The following CSMD1 variants were observed in gnomAD, a reference collection of about 807,000 sequenced individuals.
The protein encoded by CSMD1 is CUB and Sushi multiple domains 1, also known as CUB and sushi domain-containing protein 1.
Under a neutral mutation model 417.5 loss-of-function variants are expected in CSMD1, and 213 were observed. That is an observed-to-expected ratio of 0.51 (90% CI 0.46 to 0.57). The LOEUF is 0.57. Ranked by LOEUF, CSMD1 falls within the 20% of genes least tolerant of loss-of-function variation. The pLI, the probability that CSMD1 is intolerant of heterozygous loss-of-function variation, is 0.00. For missense variants in CSMD1, 6,923 were observed against 4,529.7 expected, an observed-to-expected ratio of 1.53 and a Z score of -15.17; for synonymous variants, 2,862 against 1,736.8, an observed-to-expected ratio of 1.65 and a Z score of -16.11.
chr8:4,700,142 T>G (rs1231819457), intron 1 of CSMD1, among the ~76,000 whole-genome samples: 2 of 152,192 alleles, frequency 1.3e-5, no homozygotes, highest in Non-Finnish European at 2.9e-5. Context: ...ATTTTTATTT[T>G]TAACTGACCT....
intron 24 of CSMD1, 128 bp from the exon 25 acceptor site, chr8:3,307,949 C>A (rs10089504): frequency 0.24 from 247,984 of 1,016,214 alleles, 33,002 homozygotes; most frequent in Admixed American, 0.28. Context: ...ACCATCATCT[C>A]TCTCTCCTGA....
intron 2 of CSMD1, among the ~76,000 whole-genome samples, chr8:4,500,112 G>A (rs1802182015): frequency 6.6e-6 from 1 of 151,652 alleles, no homozygotes. Context: ...TAAAGAGGCT[G>A]GGAGAATACA....
At chr8:3,854,041 T>C (rs1402944608) in intron 5 of CSMD1, among the ~76,000 whole-genome samples, 3 of 146,050 alleles carry the variant, frequency 2.1e-5, no homozygotes, top group African/African-American at 5.0e-5. Context: ...AAATATAATA[T>C]ACTAAAGTAT....
intron 3 of CSMD1, among the ~76,000 whole-genome samples, chr8:4,320,530 C>T (rs758917085): frequency 3.9e-5 from 6 of 152,070 alleles, no homozygotes; most frequent in Non-Finnish European, 8.8e-5. Context: ...CCCAACAGGC[C>T]CCAGTGGGTG....
At chr8:3,308,244 A>G in intron 24 of CSMD1, 68 bp downstream of exon 24, 1 of 1,219,468 alleles carries the variant, frequency 8.2e-7, no homozygotes, top group Non-Finnish European at 1.2e-6. Context: ...AAAGGAAGTC[A>G]ATGCAACATG....
At chr8:3,214,830 ATATT>A (rs1187987588) in intron 29 of CSMD1, 139 bp from the exon 30 acceptor site, 7 of 494,504 alleles carry the variant, frequency 1.4e-5, no homozygotes, top group African/African-American at 1.4e-4. Context: ...TGCTCAAAGA[ATATT>A]TATTGATTGG....
Position 3,739,655 on chromosome 8 carries a change from C to G in CSMD1, c.931+14275G>C, listed in dbSNP as rs148181109. Among the ~76,000 whole-genome samples the G allele has an allele frequency of 2.0e-3, 307 of 152,242 alleles. 1 individual carries two copies. The highest frequency in any genetic ancestry group is 6.9e-3 in the African/African-American group (288 of 41,546). ...GAACATTTACAGTTCATAGGGAAAT[C>G]TGTTAATGTTTAAATTCCTGTGTTG... On this transcript the variant is annotated intron_variant, in intron 6 of 69. Coordinates refer to ENST00000635120, the MANE Select transcript of CSMD1 (RefSeq NM_033225.6).
chr8:4,615,590 T>C (rs1801428274), intron 2 of CSMD1, among the ~76,000 whole-genome samples: 1 of 152,190 alleles, frequency 6.6e-6, no homozygotes, highest in South Asian at 2.1e-4. Flanking sequence ...AAACACTTCA[T>C]TCAAAGCAAA....
At chr8:4,455,278 A>G (rs1041565314) in intron 2 of CSMD1, among the ~76,000 whole-genome samples, 1 of 152,200 alleles carries the variant, frequency 6.6e-6, no homozygotes, top group Non-Finnish European at 1.5e-5. Flanking sequence ...GGAGAAGGAG[A>G]ACTTCATGAT....
chr8:3,050,881 G>C (rs1811775651), intron 50 of CSMD1, among the ~76,000 whole-genome samples: 1 of 152,166 alleles, frequency 6.6e-6, no homozygotes, highest in African/African-American at 2.4e-5. Context: ...TATTATTGAA[G>C]ACTATGTGAA....
chr8:4,857,420 A>G (rs1289790155), intron 1 of CSMD1, among the ~76,000 whole-genome samples: 5 of 152,090 alleles, frequency 3.3e-5, no homozygotes, highest in African/African-American at 1.2e-4. Flanking sequence ...TAAAATCAGA[A>G]CAGAACTGAA....
intron 3 of CSMD1, among the ~76,000 whole-genome samples, chr8:4,295,561 A>G (rs940996167): frequency 5.5e-5 from 8 of 144,906 alleles, no homozygotes; most frequent in African/African-American, 2.0e-4. Context: ...TTAAGATTAT[A>G]TGTCATCTTT....
chr8:4,322,296 T>C (rs1037308598), intron 3 of CSMD1, among the ~76,000 whole-genome samples: 1 of 151,834 alleles, frequency 6.6e-6, no homozygotes, highest in Non-Finnish European at 1.5e-5. Flanking sequence ...TTCAATTTCA[T>C]GTTATCTGCA....
intron 2 of CSMD1, among the ~76,000 whole-genome samples, chr8:4,588,417 TCTCTTC>T (rs1799812937): frequency 6.9e-5 from 8 of 116,388 alleles, no homozygotes; most frequent in Admixed American, 6.3e-4. Context: ...TAAAGAACTA[TCTCTTC>T]CTCTAGATAG....
intron 2 of CSMD1, among the ~76,000 whole-genome samples, chr8:4,550,361 A>C (rs902098616): frequency 3.3e-5 from 5 of 149,478 alleles, no homozygotes; most frequent in African/African-American, 1.2e-4. Context: ...ACACACACAC[A>C]AACCCGGTCC....
intron 2 of CSMD1, among the ~76,000 whole-genome samples, chr8:4,525,789 G>C (rs887546564): frequency 6.6e-6 from 1 of 152,094 alleles, no homozygotes; most frequent in Non-Finnish European, 1.5e-5. Flanking sequence ...TTCCACACAG[G>C]GACATGTCAA....
chr8:4,203,266 G>A (rs1258103471), intron 3 of CSMD1, among the ~76,000 whole-genome samples: 1 of 152,140 alleles, frequency 6.6e-6, no homozygotes. Flanking sequence ...GCAGAAGACT[G>A]CCCTGACTCC....
intron 2 of CSMD1, among the ~76,000 whole-genome samples, chr8:4,548,104 T>C (rs1797710563): frequency 6.6e-6 from 1 of 152,134 alleles, no homozygotes; most frequent in African/African-American, 2.4e-5. Flanking sequence ...CTTGTTCTCA[T>C]AGTTTATTTG....
intron 10 of CSMD1, among the ~76,000 whole-genome samples, chr8:3,544,997 A>C (rs532691424): frequency 6.6e-6 from 1 of 152,204 alleles, no homozygotes; most frequent in East Asian, 1.9e-4. Context: ...TCCTTTTATG[A>C]AATTTCTCTC....
Sources: gnomAD v4.1 joint callset for allele counts (sites outside exome capture counted in the v4.1 genomes callset) on GRCh38, gnomAD v4.1.1 for gene constraint, MANE v1.5 for transcripts, NCBI Gene and HGNC (gene_info 2026-07-23, HGNC 2026-07-21) for gene names.